Variants in STK32C observed in about 807,000 individuals in gnomAD.
STK32C encodes serine/threonine kinase 32C.
STK32C carries 31 observed loss-of-function variants against 56.5 expected under a neutral mutation model. The ratio of observed to expected loss-of-function variants is 0.55; its 90% CI spans 0.41 to 0.74. The LOEUF (loss-of-function observed/expected upper bound fraction) is 0.74, where lower values mean the gene tolerates loss of function less well. Among genes scored for constraint, STK32C ranks in the 30% least tolerant of loss-of-function variants. STK32C has a pLI of 0.00. For synonymous variants in STK32C, 309 were observed against 289.4 expected (o/e 1.07, Z -0.69); for missense variants, 544 against 676.9 (o/e 0.80, Z 2.18).
chr10:132,240,462 C>T (rs2063462176), intron 2 of STK32C, among the ~76,000 whole-genome samples: 1 of 152,196 alleles, frequency 6.6e-6, no homozygotes. Context: ...AGGCCACGTA[C>T]ACAGGCCCTG....
intron 1 of STK32C, among the ~76,000 whole-genome samples, chr10:132,292,277 G>T (rs984085398): frequency 6.6e-6 from 1 of 152,172 alleles, no homozygotes; most frequent in East Asian, 1.9e-4. Context: ...GCACCCCCAG[G>T]ACCATGCGTC....
chr10:132,287,956 A>C (rs531570506), intron 1 of STK32C, among the ~76,000 whole-genome samples: 18 of 152,324 alleles, frequency 1.2e-4, no homozygotes, highest in African/African-American at 4.1e-4. Context: ...TCCAAGACTT[A>C]TAAAGCTACA....
intron 1 of STK32C, among the ~76,000 whole-genome samples, chr10:132,248,696 CCT>C (rs2063777128): frequency 6.6e-6 from 1 of 152,234 alleles, no homozygotes; most frequent in Non-Finnish European, 1.5e-5. Flanking sequence ...GTGCCAGGCC[CCT>C]GACCCTGGCA....
intron 1 of STK32C, among the ~76,000 whole-genome samples, chr10:132,298,618 C>G (rs1180627668): frequency 6.6e-6 from 1 of 151,792 alleles, no homozygotes; most frequent in Non-Finnish European, 1.5e-5. Flanking sequence ...GGGGAGCGCC[C>G]TGTGTGGGGT....
intron 2 of STK32C, among the ~76,000 whole-genome samples, chr10:132,229,375 T>C (rs1349255667): frequency 6.6e-6 from 1 of 152,124 alleles, no homozygotes; most frequent in Non-Finnish European, 1.5e-5. Context: ...CACACACCCG[T>C]AGTCCCAGCT....
chr10:132,226,425 TA>T (rs955561296), intron 4 of STK32C, among the ~76,000 whole-genome samples: 16 of 152,224 alleles, frequency 1.1e-4, no homozygotes, highest in Admixed American at 5.9e-4. Flanking sequence ...AAGCTAATGT[TA>T]AAATTAGTTT....
chr10:132,279,215 C>T (rs1160675508), intron 1 of STK32C, among the ~76,000 whole-genome samples: 3 of 152,160 alleles, frequency 2.0e-5, no homozygotes, highest in Non-Finnish European at 2.9e-5. Context: ...GTGACTTTCA[C>T]GACTGAAGTG....
At chr10:132,261,565 G>C (rs1410753026) in intron 1 of STK32C, among the ~76,000 whole-genome samples, 3 of 152,148 alleles carry the variant, frequency 2.0e-5, no homozygotes, top group Non-Finnish European at 4.4e-5. Flanking sequence ...AGGAGTTTGA[G>C]ACCAGCCTGG....
At chr10:132,280,737 GA>G (rs1273570092) in intron 1 of STK32C, among the ~76,000 whole-genome samples, 36 of 145,306 alleles carry the variant, frequency 2.5e-4, no homozygotes, top group African/African-American at 8.0e-4. Flanking sequence ...TGCACTCGGT[GA>G]TCACACCCTT....
intron 1 of STK32C, among the ~76,000 whole-genome samples, chr10:132,317,072 A>T (rs867434854): frequency 4.6e-5 from 7 of 152,272 alleles, no homozygotes; most frequent in Middle Eastern, 3.4e-3. Flanking sequence ...CCAGTACATT[A>T]TATTTGTAAC....
chr10:132,282,514 C>CACCTGTGCCTGCGCCG (rs2065247164), intron 1 of STK32C, among the ~76,000 whole-genome samples: 2 of 144,806 alleles, frequency 1.4e-5, no homozygotes, highest in African/African-American at 5.1e-5. Flanking sequence ...TGCCTGCGCC[C>CACCTGTGCCTGCGCCG]ACCTGTGCCT....
At position 132,222,622 on chromosome 10, in the gene STK32C, A is replaced by G; in HGVS notation, c.1251+19T>C. On this transcript the variant is annotated intron_variant, in intron 10 of 11. Coordinates refer to ENST00000298630, the MANE Select transcript of STK32C (RefSeq NM_173575.4). ...AAGCCCAGCCCGCCGCCGCGCCCTG[A>G]GCCTGCCCTGGCACTCACGGACTGG... 6.2e-7 allele frequency: 1 copy of G among 1,610,746 alleles called. No homozygotes were observed. Among genetic ancestry groups the G allele is most frequent in the South Asian group, 1.1e-5 (1 of 90,928 alleles).
At position 132,209,004 on chromosome 10, in the gene STK32C, A is replaced by T. The variant is rs564883119; in HGVS notation, c.1319+30T>A. ...TAGCCCCATTTTCCTCCTCTCTGCCACCACGCCCACCCACCCCCAACACAC... is the reference window on the plus strand; with the variant it reads ...TAGCCCCATTTTCCTCCTCTCTGCCTCCACGCCCACCCACCCCCAACACAC... On this transcript the variant is annotated intron_variant, in intron 11 of 11. Transcript: ENST00000298630. The T allele has an allele frequency of 1.1e-5, 17 of 1,598,864 alleles. No individual in the cohort carries two copies. The South Asian group carries it at 1.9e-4, about 18-fold the overall frequency.
intron 1 of STK32C, among the ~76,000 whole-genome samples, chr10:132,269,887 A>C (rs954072933): frequency 6.6e-6 from 1 of 152,136 alleles, no homozygotes; most frequent in Non-Finnish European, 1.5e-5. Flanking sequence ...ATAATAGCTG[A>C]CACCCACCCA....
rs769456057 is a variant in STK32C at position 132,331,447 on chromosome 10, G to GC, written c.289dup (p.Ala97GlyfsTer36). ...CTCAGGACACTCACTGCGTTTCCTC[G>GC]CCCCCCTCACTCCTCCGTCCAGAGG... On this transcript the variant is annotated frameshift_variant, in exon 1 of 2. Coordinates refer to the STK32C transcript ENST00000368619. LOFTEE classifies it low-confidence loss of function (END_TRUNC). The GC allele has an allele frequency of 8.1e-6, 13 of 1,609,722 alleles. No individual in the cohort carries two copies. The African/African-American group carries it at 1.1e-4, about 13-fold the overall frequency.
chr10:132,273,799 A>G (rs1349374243), intron 1 of STK32C, among the ~76,000 whole-genome samples: 2 of 151,994 alleles, frequency 1.3e-5, no homozygotes, highest in African/African-American at 4.8e-5. Flanking sequence ...ATGCATGGTG[A>G]GTGAATGAGG....
At chr10:132,214,093 T>C (rs1472060240) in intron 10 of STK32C, among the ~76,000 whole-genome samples, 2 of 151,964 alleles carry the variant, frequency 1.3e-5, no homozygotes, top group Non-Finnish European at 1.5e-5. Context: ...AACAGAATAT[T>C]TGAAATAATA....
At chr10:132,302,019 T>A (rs1419778235) in intron 1 of STK32C, among the ~76,000 whole-genome samples, 1 of 152,198 alleles carries the variant, frequency 6.6e-6, no homozygotes, top group Non-Finnish European at 1.5e-5. Context: ...TGTGGGCTCC[T>A]GGCCCCACCC....
At chr10:132,271,215 C>A (rs1168255036) in intron 1 of STK32C, among the ~76,000 whole-genome samples, 1 of 152,168 alleles carries the variant, frequency 6.6e-6, no homozygotes, top group African/African-American at 2.4e-5. Flanking sequence ...AGAAGAGTGT[C>A]CCTGGGCTCA....
Sources: gnomAD v4.1 joint callset for allele counts (sites outside exome capture counted in the v4.1 genomes callset) on GRCh38, gnomAD v4.1.1 for gene constraint, MANE v1.5 for transcripts, NCBI Gene and HGNC (gene_info 2026-07-23, HGNC 2026-07-21) for gene names.